HSPBAP1: variants seen among roughly 807,000 people sequenced by gnomAD.
HSPBAP1 encodes the protein HSPB1 associated protein 1.
A neutral mutation model predicts 45.2 loss-of-function variants in HSPBAP1; 27 were observed. The observed-to-expected ratio is 0.60, with a 90% CI of 0.44 to 0.82. HSPBAP1 has a LOEUF of 0.82. Ranked by LOEUF, HSPBAP1 falls within the 40% of genes least tolerant of loss-of-function variation. HSPBAP1 has a pLI of 0.00. For synonymous variants in HSPBAP1, 204 were observed against 202.7 expected, an observed-to-expected ratio of 1.01 and a Z score of -0.06; for missense variants, 510 against 590.9, an observed-to-expected ratio of 0.86 and a Z score of 1.42.
intron 2 of HSPBAP1, 70 bp from the exon 3 acceptor site, chr3:122,768,952 A>T: frequency 1.8e-6 from 2 of 1,102,320 alleles, no homozygotes; most frequent in Non-Finnish European, 2.5e-6. Context: ...TTTTTTTTAA[A>T]ATAAAGATAA....
At chr3:122,758,822 C>T (rs1460777354) in intron 4 of HSPBAP1, 1 of 451,136 alleles carries the variant, frequency 2.2e-6, no homozygotes. Flanking sequence ...GCTTGAGGTC[C>T]AGGAGCTATG....
At chr3:122,776,443 G>A (rs1935196408) in intron 2 of HSPBAP1, among the ~76,000 whole-genome samples, 1 of 152,092 alleles carries the variant, frequency 6.6e-6, no homozygotes, top group Admixed American at 6.5e-5. Context: ...CTGTCCTAAG[G>A]TTTTAGGAAG....
At chr3:122,773,236 A>C (rs1935063719) in intron 2 of HSPBAP1, among the ~76,000 whole-genome samples, 1 of 152,034 alleles carries the variant, frequency 6.6e-6, no homozygotes, top group Admixed American at 6.6e-5. Flanking sequence ...ACCAATTATC[A>C]GGAAAAAATA....
chr3:122,746,080 T>A (rs989014535), intron 6 of HSPBAP1, among the ~76,000 whole-genome samples: 1 of 152,004 alleles, frequency 6.6e-6, no homozygotes, highest in African/African-American at 2.4e-5. Flanking sequence ...TTGGAATATA[T>A]CCCCCGAGGA....
In HSPBAP1 at chr3:122,740,728, A is replaced by G; in HGVS notation, c.1084T>C (p.Cys362Arg). ...GTTTGGCCCACCTCCATGTGGTTGC[A>G]CACATTTAATTCTTCCTTTTTCATG... is the stretch of plus-strand genomic sequence containing the variant. The part of the protein sequence containing the change: ...EHMKKEELNV[C>R]NHMEVGQTGS... Residue 362 changes from cysteine (C) to arginine (R), a missense_variant, in exon 8 of 8, where the codon TGC becomes CGC. Cys to Arg is a radical substitution (Grantham distance 180). Transcript: ENST00000306103. The G allele has an allele frequency of 6.2e-7, 1 of 1,614,122 alleles. No homozygotes were observed. The highest frequency in any genetic ancestry group is 8.5e-7 in the Non-Finnish European group (1 of 1,180,034).
At chr3:122,780,447 A>C (rs1266375433) in intron 1 of HSPBAP1, among the ~76,000 whole-genome samples, 11 of 83,474 alleles carry the variant, frequency 1.3e-4, no homozygotes, top group Admixed American at 2.5e-4. Flanking sequence ...ACTTCCCAGT[A>C]GGGGCGGCCG....
At chr3:122,752,560 T>TAAAAA in intron 6 of HSPBAP1, 31 bp downstream of exon 6, 4 of 1,075,170 alleles carry the variant, frequency 3.7e-6, no homozygotes, top group East Asian at 5.4e-5. Context: ...TGCACTTACT[T>TAAAAA]AAAAAAAAAA....
At chr3:122,783,380 C>T (rs567481105) in intron 1 of HSPBAP1, among the ~76,000 whole-genome samples, 1 of 152,272 alleles carries the variant, frequency 6.6e-6, no homozygotes, top group East Asian at 1.9e-4. Context: ...CTTGATGTGC[C>T]TGGATTCCGC....
intron 2 of HSPBAP1, among the ~76,000 whole-genome samples, chr3:122,773,842 T>C (rs916274408): frequency 1.6e-4 from 23 of 146,900 alleles, no homozygotes; most frequent in African/African-American, 5.8e-4. Context: ...TTTTGCTATG[T>C]TGCCCAGGCT....
chr3:122,766,346 A>AC (rs1486659970), intron 3 of HSPBAP1, among the ~76,000 whole-genome samples: 2 of 152,200 alleles, frequency 1.3e-5, no homozygotes, highest in African/African-American at 4.8e-5. Flanking sequence ...AATTAAACCA[A>AC]CACAGGTACC....
At chr3:122,741,190 T>C in intron 6 of HSPBAP1, 77 bp from the exon 7 acceptor site, 2 of 1,041,832 alleles carry the variant, frequency 1.9e-6, no homozygotes, top group Non-Finnish European at 3.0e-6. Context: ...TGTTTTAATT[T>C]CATCTTCTGT....
intron 6 of HSPBAP1, 73 bp downstream of exon 6, chr3:122,752,518 C>G: frequency 1.1e-6 from 1 of 901,184 alleles, no homozygotes; most frequent in Admixed American, 2.8e-5. Context: ...AGTTGTACAG[C>G]CAGACCTTAT....
In HSPBAP1 at chr3:122,740,793, T is replaced by C. The variant is rs779995280; in HGVS notation, c.1019A>G (p.Glu340Gly). ...SAFFDRCRTSEVVEIQALRTD... is the reference protein window; with the variant it reads ...SAFFDRCRTSGVVEIQALRTD... ...TCTCAGTGCTTGGATTTCTACTACC[T>C]CAGATGTTCTGCAGCGATCAAAAAA... is the stretch of plus-strand genomic sequence containing the variant. Residue 340 changes from glutamate (E) to glycine (G), a missense_variant, in exon 8 of 8, where the codon GAG (glutamate) becomes GGG (glycine). By Grantham distance (98) the Glu-to-Gly change is moderately conservative (BLOSUM62 -2). Transcript: ENST00000306103. 3 of 1,614,084 alleles carry C rather than the reference T, an allele frequency of 1.9e-6. No individual in the cohort carries two copies. The East Asian group carries it at 6.7e-5, about 36-fold the overall frequency.
At chr3:122,749,045 G>A (rs1183099696) in intron 6 of HSPBAP1, among the ~76,000 whole-genome samples, 1 of 151,832 alleles carries the variant, frequency 6.6e-6, no homozygotes, top group Non-Finnish European at 1.5e-5. Flanking sequence ...ATTTGAATAA[G>A]TATATAAATA....
chr3:122,750,490 A>G (rs896114151), intron 6 of HSPBAP1, among the ~76,000 whole-genome samples: 4 of 151,662 alleles, frequency 2.6e-5, no homozygotes, highest in Admixed American at 2.6e-4. Flanking sequence ...TTTTAAACAC[A>G]TGAATTAGAA....
chr3:122,746,609 CCT>C (rs1270590330), intron 6 of HSPBAP1, among the ~76,000 whole-genome samples: 1 of 150,528 alleles, frequency 6.6e-6, no homozygotes, highest in Non-Finnish European at 1.5e-5. Flanking sequence ...TCAGCTCTCT[CCT>C]CTCTCCTCTC....
At chr3:122,759,449 T>G (rs1934491634) in intron 3 of HSPBAP1, 89 bp from the exon 4 acceptor site, 1 of 1,336,906 alleles carries the variant, frequency 7.5e-7, no homozygotes, top group Non-Finnish European at 1.0e-6. Context: ...CATCTGTTAT[T>G]TAGCAGTTGG....
intron 1 of HSPBAP1, among the ~76,000 whole-genome samples, chr3:122,788,007 G>GA (rs1223947925): frequency 6.6e-6 from 1 of 152,050 alleles, no homozygotes; most frequent in East Asian, 1.9e-4. Flanking sequence ...GTCTATCACT[G>GA]AAAAAAACCC....
chr3:122,793,668 A>G lies in HSPBAP1; in HGVS notation c.13T>C (p.Ser5Pro). 2 of 1,613,810 alleles carry G rather than the reference A, an allele frequency of 1.2e-6. No individual in the cohort carries two copies. Among genetic ancestry groups the G allele is most frequent in the African/African-American group, 1.3e-5 (1 of 75,054 alleles). MAAG[S>P]EATTPVIVAA... ...ACGATCACAGGAGTGGTCGCCTCGG[A>G]GCCTGCTGCCATGGCTACCGCAAGG... is the stretch of plus-strand genomic sequence containing the variant. Residue 5 changes from serine (S) to proline (P), a missense_variant, in exon 1 of 8, where the codon TCC becomes CCC. By Grantham distance (74) the Ser-to-Pro change is moderately conservative. Transcript: ENST00000306103.
Sources: allele counts gnomAD v4.1 joint callset (sites outside exome capture counted in the v4.1 genomes callset), GRCh38; gene constraint gnomAD v4.1.1; transcripts MANE v1.5; gene names NCBI Gene and HGNC (gene_info 2026-07-23, HGNC 2026-07-21).